Variants in EIF2B3 observed in about 807,000 individuals in gnomAD.
EIF2B3 encodes the protein eukaryotic translation initiation factor 2B subunit gamma, also known as translation initiation factor eIF2B subunit gamma.
In EIF2B3, 20 loss-of-function variants were observed where a neutral mutation model predicts 54.1. That is an observed-to-expected ratio of 0.37 (90% CI 0.26 to 0.54). The LOEUF (loss-of-function observed/expected upper bound fraction) is 0.54. Among genes scored for constraint, EIF2B3 ranks in the 20% least tolerant of loss-of-function variants. EIF2B3 has a pLI of 0.86. For synonymous variants in EIF2B3, 153 were observed against 188.1 expected (o/e 0.81, Z 1.52); for missense variants, 448 against 547.8 (o/e 0.82, Z 1.82).
At chr1:44,908,913 A>G (rs1300569349) in intron 5 of EIF2B3, among the ~76,000 whole-genome samples, 2 of 152,204 alleles carry the variant, frequency 1.3e-5, no homozygotes, top group Non-Finnish European at 1.5e-5. Context: ...CAGCAGGCCC[A>G]TGTTTTGACA....
chr1:44,868,202 T>A (rs1340881892), intron 10 of EIF2B3, among the ~76,000 whole-genome samples: 1 of 151,926 alleles, frequency 6.6e-6, no homozygotes, highest in Admixed American at 6.6e-5. Flanking sequence ...ATCGAGACCA[T>A]CCTGGCTAAT....
At chr1:44,891,770 A>C (rs1273497475) in intron 6 of EIF2B3, among the ~76,000 whole-genome samples, 1 of 152,170 alleles carries the variant, frequency 6.6e-6, no homozygotes, top group Non-Finnish European at 1.5e-5. Flanking sequence ...TCTCACAGTA[A>C]AGACAGTTAT....
intron 8 of EIF2B3, among the ~76,000 whole-genome samples, chr1:44,876,223 C>T (rs1418631771): frequency 2.6e-5 from 4 of 151,728 alleles, no homozygotes; most frequent in Non-Finnish European, 4.4e-5. Context: ...AAGTGAGGAG[C>T]GTCTCTGCCT....
At position 44,902,371 on chromosome 1, in the gene EIF2B3, A is replaced by G. The variant is rs1347267530; in HGVS notation, c.567-4927T>C. On this transcript the variant is annotated intron_variant, in intron 5 of 11. Coordinates refer to ENST00000360403, the MANE Select transcript of EIF2B3 (RefSeq NM_020365.5). ...AACTGAGATTCTAATAGGGTTTGTG[A>G]TAATCCTATAGATCTGTGAGAGCTG... 3.9e-5 allele frequency among the ~76,000 whole-genome samples: 6 copies of G among 152,110 alleles called. No individual in the cohort carries two copies. The East Asian group carries it at 5.8e-4, about 15-fold the overall frequency.
Position 44,978,349 on chromosome 1 carries a change from G to C in EIF2B3, c.260C>G (p.Ala87Gly). Residue 87 changes from alanine to glycine, a missense_variant, in exon 3 of 12, where the codon GCA becomes GGA. Transcript: ENST00000360403. ...CIPDDADMGT[A>G]DSLRYIYPKL... is the part of the protein sequence containing the mutation. ...TGGATATATGTAGCGCAAAGAATCT[G>C]CAGTTCCCATGTCAGCGTCATCAGG... The C allele has an allele frequency of 6.2e-7, 1 of 1,614,036 alleles. No individual in the cohort carries two copies. The highest frequency in any genetic ancestry group is 8.5e-7 in the Non-Finnish European group (1 of 1,180,010).
At chr1:44,984,762 G>A (rs1384901053) in intron 1 of EIF2B3, among the ~76,000 whole-genome samples, 10 of 128,944 alleles carry the variant, frequency 7.8e-5, no homozygotes, top group Non-Finnish European at 1.6e-4. Context: ...GATTAAATTT[G>A]TTATTCTACG....
At chr1:44,964,131 CAAA>C (rs36124141) in intron 3 of EIF2B3, among the ~76,000 whole-genome samples, 12 of 131,696 alleles carry the variant, frequency 9.1e-5, no homozygotes, top group Non-Finnish European at 8.1e-5. Flanking sequence ...ATTTCTTGGC[CAAA>C]AAAAAAAAAA....
chr1:44,921,896 A>T (rs200362238), intron 5 of EIF2B3, among the ~76,000 whole-genome samples: 2,273 of 99,184 alleles, frequency 0.023, 25 homozygotes, highest in South Asian at 0.038. Flanking sequence ...ATATATATAT[A>T]TTTTTTTATT....
At chr1:44,984,166 T>C (rs1279212424) in intron 1 of EIF2B3, among the ~76,000 whole-genome samples, 2 of 151,080 alleles carry the variant, frequency 1.3e-5, no homozygotes, top group Non-Finnish European at 2.9e-5. Flanking sequence ...GGCGACAGAG[T>C]GAGACTCCGT....
chr1:44,972,895 G>T (rs1644417013), intron 3 of EIF2B3, among the ~76,000 whole-genome samples: 1 of 152,102 alleles, frequency 6.6e-6, no homozygotes, highest in African/African-American at 2.4e-5. Context: ...TAAAAAGTTA[G>T]CTGGGTGTGG....
At chr1:44,982,996 C>T (rs1326997240) in intron 1 of EIF2B3, among the ~76,000 whole-genome samples, 1 of 152,166 alleles carries the variant, frequency 6.6e-6, no homozygotes, top group Admixed American at 6.5e-5. Context: ...TCTCGAACTC[C>T]CAACCTCAGG....
At chr1:44,952,666 C>T (rs1297725597) in intron 3 of EIF2B3, among the ~76,000 whole-genome samples, 2 of 151,574 alleles carry the variant, frequency 1.3e-5, no homozygotes, top group African/African-American at 2.4e-5. Context: ...CATTCTCCTG[C>T]CTCAGCCTCC....
intron 6 of EIF2B3, among the ~76,000 whole-genome samples, chr1:44,882,529 G>A (rs1655436791): frequency 6.6e-6 from 1 of 150,386 alleles, no homozygotes. Flanking sequence ...TGCAACCTTT[G>A]CCTCCCAGGT....
At chr1:44,975,102 C>A (rs1644439424) in intron 3 of EIF2B3, among the ~76,000 whole-genome samples, 1 of 151,966 alleles carries the variant, frequency 6.6e-6, no homozygotes, top group Non-Finnish European at 1.5e-5. Flanking sequence ...CCTGTAGTCC[C>A]ATCTACTTGA....
chr1:44,953,999 A>G (rs911661063), intron 3 of EIF2B3, among the ~76,000 whole-genome samples: 2 of 152,224 alleles, frequency 1.3e-5, no homozygotes, highest in African/African-American at 4.8e-5. Flanking sequence ...AAGATATACC[A>G]GGCAAATGGA....
chr1:44,965,850 G>A (rs1333923939), intron 3 of EIF2B3, among the ~76,000 whole-genome samples: 1 of 151,918 alleles, frequency 6.6e-6, no homozygotes, highest in African/African-American at 2.4e-5. Context: ...ATGTTGGCCA[G>A]GCTGGTCTGG....
intron 11 of EIF2B3, among the ~76,000 whole-genome samples, chr1:44,856,226 A>C (rs571614167): frequency 2.0e-5 from 3 of 152,158 alleles, no homozygotes; most frequent in Admixed American, 2.0e-4. Context: ...TAATTAAGAA[A>C]ATCTGGGGCT....
At chr1:44,863,768 G>A (rs1654684684) in intron 10 of EIF2B3, among the ~76,000 whole-genome samples, 1 of 152,094 alleles carries the variant, frequency 6.6e-6, no homozygotes, top group Non-Finnish European at 1.5e-5. Flanking sequence ...TATTTTTAAT[G>A]TTTTAGAATT....
intron 3 of EIF2B3, among the ~76,000 whole-genome samples, chr1:44,960,570 G>A (rs1401486176): frequency 5.3e-5 from 8 of 151,826 alleles, no homozygotes; most frequent in South Asian, 2.1e-4. Context: ...ACCCGGGGGC[G>A]GAGCTTGCAG....
Sources: allele counts gnomAD v4.1 joint callset (sites outside exome capture counted in the v4.1 genomes callset), GRCh38; gene constraint gnomAD v4.1.1; transcripts MANE v1.5; gene names NCBI Gene and HGNC (gene_info 2026-07-23, HGNC 2026-07-21).